SRRM3: variants seen among roughly 807,000 people sequenced by gnomAD.
SRRM3 encodes serine/arginine repetitive matrix 3, also known as serine/arginine repetitive matrix protein 3.
SRRM3 carries 27 observed loss-of-function variants against 66.2 expected under a neutral mutation model. The observed-to-expected ratio is 0.41, with a 90% CI of 0.30 to 0.56. The LOEUF (loss-of-function observed/expected upper bound fraction) is 0.56. SRRM3 is among the 20% of genes least tolerant of loss of function. The pLI is 0.32. For missense variants in SRRM3, 918 were observed against 991.9 expected, an observed-to-expected ratio of 0.93 and a Z score of 1.00; for synonymous variants, 391 against 414.9, an observed-to-expected ratio of 0.94 and a Z score of 0.70.
intron 1 of SRRM3, among the ~76,000 whole-genome samples, chr7:76,214,508 T>TGTGACTG (rs1356575452): frequency 3.3e-5 from 5 of 152,164 alleles, no homozygotes; most frequent in African/African-American, 1.2e-4. Flanking sequence ...AGTTGAAGTG[T>TGTGACTG]GTGACTGGTG....
At chr7:76,229,767 G>A (rs1455623922) in intron 1 of SRRM3, among the ~76,000 whole-genome samples, 7 of 137,898 alleles carry the variant, frequency 5.1e-5, no homozygotes, top group South Asian at 2.3e-4. Flanking sequence ...TTTTTGAGAC[G>A]GAGTCTCGCT....
chr7:76,260,058 TG>T (rs781867116), intron 4 of SRRM3, 24 bp downstream of exon 4: 4 of 1,397,968 alleles, frequency 2.9e-6, no homozygotes, highest in Non-Finnish European at 2.8e-6. Context: ...GCGGCGGGGG[TG>T]GGGGGCGCGC....
intron 11 of SRRM3, among the ~76,000 whole-genome samples, chr7:76,275,156 A>G (rs1802312450): frequency 6.6e-6 from 1 of 151,604 alleles, no homozygotes; most frequent in Non-Finnish European, 1.5e-5. Context: ...TCCAACCATT[A>G]TGAGGCCTAC....
rs182588662 is a variant in SRRM3 at position 76,283,117 on chromosome 7, G to C, written c.1733+16G>C. ...GCATCACCAGGTATGGAGGGTCTTG[G>C]GGGGGCCGGTGGCGCAGGGCTGGGG... is the stretch of plus-strand genomic sequence containing the variant. On this transcript the variant is annotated intron_variant, in intron 14 of 14. Transcript: ENST00000611745. 208 of 1,416,044 alleles carry C rather than the reference G, an allele frequency of 1.5e-4. 2 individuals carry two copies. The East Asian group carries it at 1.7e-3, about 12-fold the overall frequency. 87.7% of individuals were successfully genotyped at this position (1,416,044 alleles called of 1,614,324 possible). A position where few individuals can be genotyped will look rare whatever the true frequency, so the allele number is the denominator to read the frequency against.
At chr7:76,263,662 C>A (rs1801934501) in intron 8 of SRRM3, among the ~76,000 whole-genome samples, 1 of 151,966 alleles carries the variant, frequency 6.6e-6, no homozygotes, top group African/African-American at 2.4e-5. Flanking sequence ...GAGTTCGAGA[C>A]CAGCCTGGCC....
intron 2 of SRRM3, among the ~76,000 whole-genome samples, chr7:76,245,843 G>A (rs1352956352): frequency 6.6e-6 from 1 of 152,082 alleles, no homozygotes; most frequent in African/African-American, 2.4e-5. Context: ...TTACAGGTGT[G>A]CACCACCACA....
intron 2 of SRRM3, among the ~76,000 whole-genome samples, chr7:76,245,443 T>A (rs1801414953): frequency 6.6e-6 from 1 of 152,166 alleles, no homozygotes; most frequent in Non-Finnish European, 1.5e-5. Context: ...TTTAAAATAA[T>A]TTTTTAAAAA....
intron 1 of SRRM3, among the ~76,000 whole-genome samples, chr7:76,212,703 A>C (rs1554601898): frequency 2.0e-5 from 3 of 152,014 alleles, no homozygotes; most frequent in Non-Finnish European, 4.4e-5. Context: ...TCCTGGCCTC[A>C]AGTGATCCTC....
intron 3 of SRRM3, among the ~76,000 whole-genome samples, chr7:76,254,348 C>G (rs1162975111): frequency 1.3e-5 from 2 of 151,988 alleles, no homozygotes; most frequent in South Asian, 2.1e-4. Flanking sequence ...GATGGAGTTT[C>G]GCTCTTATTG....
At chr7:76,232,355 T>C (rs57272821) in intron 1 of SRRM3, among the ~76,000 whole-genome samples, 77,324 of 151,830 alleles carry the variant, frequency 0.51, 22,112 homozygotes, top group African/African-American at 0.78. Flanking sequence ...GGCAGATCAC[T>C]TGAGGTCAGA....
At chr7:76,269,515 T>TGGA (rs1450463180) in intron 11 of SRRM3, 2 of 149,776 alleles carry the variant, frequency 1.3e-5, no homozygotes, top group East Asian at 3.9e-4. Flanking sequence ...ATACTGGGGG[T>TGGA]GGTATTCTTG....
chr7:76,270,803 G>A (rs1330770817), intron 11 of SRRM3, among the ~76,000 whole-genome samples: 2 of 146,614 alleles, frequency 1.4e-5, no homozygotes, highest in Non-Finnish European at 3.0e-5. Context: ...GACAGAGTGA[G>A]ACTCCGTCTC....
Position 76,261,367 on chromosome 7 carries a change from A to G in SRRM3, c.591A>G (p.Ser197=). ...LESECSCGSS[S]PLRKKKKSVK... ...GTGTCCACAGCTGTGGGAGCTCCTC[A>G]CCCCTCCGCAAGAAGAAGAAGAGTG... Residue 197 remains serine (S), a synonymous_variant, in exon 7 of 15, where the codon TCA becomes TCG. Coordinates refer to ENST00000611745, the MANE Select transcript of SRRM3 (RefSeq NM_001110199.3). The G allele has an allele frequency of 6.6e-7, 1 of 1,522,520 alleles. No individual in the cohort carries two copies. The highest frequency in any genetic ancestry group is 8.8e-7 in the Non-Finnish European group (1 of 1,136,210). The allele number at this position is 1,522,520 out of a possible 1,614,324, so 94.3% of individuals were successfully genotyped here. A position where few individuals can be genotyped will look rare whatever the true frequency, so the allele number is the denominator to read the frequency against.
intron 1 of SRRM3, among the ~76,000 whole-genome samples, chr7:76,220,534 G>A (rs1202457709): frequency 6.6e-6 from 1 of 152,248 alleles, no homozygotes; most frequent in African/African-American, 2.4e-5. Flanking sequence ...TGCCTCACCG[G>A]CCCCGGACAC....
chr7:76,237,653 G>A (rs1259314208), intron 2 of SRRM3, among the ~76,000 whole-genome samples: 1 of 152,062 alleles, frequency 6.6e-6, no homozygotes, highest in African/African-American at 2.4e-5. Context: ...GGAGGGAGGG[G>A]AGTGTGGGCA....
At chr7:76,225,004 G>T (rs998713637) in intron 1 of SRRM3, among the ~76,000 whole-genome samples, 1 of 152,006 alleles carries the variant, frequency 6.6e-6, no homozygotes, top group African/African-American at 2.4e-5. Context: ...GCCCACCTTC[G>T]CCCCGGTCTA....
intron 11 of SRRM3, among the ~76,000 whole-genome samples, chr7:76,271,733 G>A (rs1802219655): frequency 6.6e-6 from 1 of 152,188 alleles, no homozygotes; most frequent in East Asian, 1.9e-4. Flanking sequence ...GGTGGAAAAT[G>A]GGAAGCACAG....
chr7:76,261,415 G>A lies in SRRM3; in HGVS notation c.638+1G>A. 1.2e-6 allele frequency: 2 copies of A among 1,606,100 alleles called. No individual in the cohort carries two copies. Among genetic ancestry groups the A allele is most frequent in the Non-Finnish European group, 1.7e-6 (2 of 1,176,592 alleles). ...GTGTGAAGAAGCATCGCCGAGACAG[G>A]TACCCTTGCTGCCCCCACCCTGGGG... On this transcript the variant is annotated splice_donor_variant, in intron 7 of 14. Transcript: ENST00000611745. LOFTEE classifies it high-confidence loss of function.
intron 2 of SRRM3, 40 bp from the exon 3 acceptor site, chr7:76,248,148 C>G: frequency 6.4e-7 from 1 of 1,554,222 alleles, no homozygotes; most frequent in East Asian, 2.3e-5. Context: ...GGAACCAAAT[C>G]TGGGAGACCA....
Sources: allele counts gnomAD v4.1 joint callset (sites outside exome capture counted in the v4.1 genomes callset), GRCh38; gene constraint gnomAD v4.1.1; transcripts MANE v1.5; gene names NCBI Gene and HGNC (gene_info 2026-07-23, HGNC 2026-07-21).